The following VSX1 variants were observed in gnomAD, a reference collection of about 807,000 sequenced individuals.
The protein encoded by VSX1 is visual system homeobox 1.
VSX1 carries 23 observed loss-of-function variants against 23.6 expected under a neutral mutation model. The observed-to-expected ratio is 0.97, with a 90% CI of 0.70 to 1.38. The LOEUF (loss-of-function observed/expected upper bound fraction) is 1.38, where lower values mean the gene tolerates loss of function less well. VSX1 is among the 40% of genes most tolerant of loss of function. The pLI, the probability that VSX1 is intolerant of heterozygous loss-of-function variation, is 0.00. For missense variants in VSX1, 517 were observed against 495.4 expected, an observed-to-expected ratio of 1.04 and a Z score of -0.41; for synonymous variants, 247 against 215.1, an observed-to-expected ratio of 1.15 and a Z score of -1.30.
intron 1 of VSX1, among the ~76,000 whole-genome samples, chr20:25,080,813 T>A (rs1265794484): frequency 6.6e-6 from 1 of 152,262 alleles, no homozygotes; most frequent in Non-Finnish European, 1.5e-5. Flanking sequence ...CCTGCCTGCC[T>A]ATTGATCTGA....
chr20:25,081,863 T>C lies in VSX1; in HGVS notation c.234A>G (p.Leu78=), dbSNP rs1305887489. 90 of 1,523,176 alleles carry C rather than the reference T, an allele frequency of 5.9e-5. No homozygotes were observed. The highest frequency in any genetic ancestry group is 7.6e-5 in the Non-Finnish European group (87 of 1,142,724). The allele number at this position is 1,523,176 out of a possible 1,614,324, so 94.4% of individuals were successfully genotyped here. ...LDGSSLARGA[L]PLGLGLLCGF... ...CACAGAGGAGGCCGAGTCCCAGCGG[T>C]AGGGCCCCACGCGCCAGGCTGGAGC... The change falls in exon 1 of 5, where the codon CTA becomes CTG. Residue 78 remains leucine, a synonymous_variant. Transcript: ENST00000376709.
rs1002495973 is a variant in VSX1, at chr20:25,081,906, G to A, written c.191C>T (p.Pro64Leu). ...GCEGPAVAPCPGPGLDGSSLA... is the reference protein window; with the variant it reads ...GCEGPAVAPCLGPGLDGSSLA... ...GCTGGAGCCGTCAAGCCCCGGGCCC[G>A]GGCACGGCGCGACTGCCGGACCCTC... Residue 64 changes from proline to leucine, a missense_variant, in exon 1 of 5, where the codon CCG becomes CTG. Physicochemically the swap from Pro to Leu is moderately conservative, Grantham distance 98. Transcript: ENST00000376709. 1.8e-5 allele frequency: 27 copies of A among 1,528,626 alleles called. No individual in the cohort carries two copies. The African/African-American group carries it at 3.0e-4, about 17-fold the overall frequency. The allele number at this position is 1,528,626 out of a possible 1,614,324, so 94.7% of individuals were successfully genotyped here.
intron 3 of VSX1, 41 bp downstream of exon 3, chr20:25,078,788 T>C (rs368840437): frequency 3.7e-6 from 6 of 1,614,068 alleles, no homozygotes; most frequent in East Asian, 2.2e-5. Flanking sequence ...TGACACGTTC[T>C]CTGTGGTATC....
At chr20:25,073,532 C>A (rs1326147668), downstream of VSX1, among the ~76,000 whole-genome samples, 5 of 152,098 alleles carry the variant, frequency 3.3e-5, no homozygotes, top group Admixed American at 1.3e-4. Flanking sequence ...GCAAAAAGAG[C>A]GGGGGCTGGC....
At chr20:25,074,398 A>C (rs1259053347), downstream of VSX1, among the ~76,000 whole-genome samples, 1 of 152,208 alleles carries the variant, frequency 6.6e-6, no homozygotes, top group African/African-American at 2.4e-5. Flanking sequence ...AGAGTTCCTT[A>C]TGTTAAGAAA....
chr20:25,078,914 T>C lies in VSX1; in HGVS notation c.542A>G (p.Lys181Arg). Reference sequence around the variant, plus strand: ...AGGGTAGTGGGCCTCGCTGAATGCCTTCTCCAACTCTTCCAGCTGGTGAGC... The same window carrying C: ...AGGGTAGTGGGCCTCGCTGAATGCCCTCTCCAACTCTTCCAGCTGGTGAGC... ...FTAHQLEELEKAFSEAHYPDV... is the reference protein window; with the variant it reads ...FTAHQLEELERAFSEAHYPDV... Residue 181 changes from lysine to arginine, a missense_variant, in exon 3 of 5, where the codon AAG becomes AGG. Lys to Arg is a conservative substitution (Grantham distance 26). Coordinates refer to ENST00000376709, the MANE Select transcript of VSX1 (RefSeq NM_014588.6). 4 of 1,614,186 alleles carry C rather than the reference T, an allele frequency of 2.5e-6. No individual in the cohort carries two copies. The highest frequency in any genetic ancestry group is 3.4e-6 in the Non-Finnish European group (4 of 1,180,036).
At position 25,076,178 on chromosome 20, in the gene VSX1, TG is replaced by T. The variant is rs1370855305; in HGVS notation, c.*82del. 1.3e-6 allele frequency: 2 copies of T among 1,587,146 alleles called. No individual in the cohort carries two copies. Among genetic ancestry groups the T allele is most frequent in the Non-Finnish European group, 1.7e-6 (2 of 1,158,388 alleles). Reference sequence around the variant, plus strand: ...AGAAGAAAATCAAACTGAGAGTATATGTCTTGGACAATTTTTGTCTTTTGGA... The same window carrying T: ...AGAAGAAAATCAAACTGAGAGTATATTCTTGGACAATTTTTGTCTTTTGGA... On this transcript the variant is annotated 3_prime_UTR_variant, in exon 5 of 5. Coordinates refer to ENST00000376709, the MANE Select transcript of VSX1 (RefSeq NM_014588.6).
chr20:25,071,085 C>A (rs971578134), downstream of VSX1: 1 of 454,046 alleles, frequency 2.2e-6, no homozygotes, highest in Admixed American at 2.3e-5. Context: ...GGGTTGAGAT[C>A]AGGGGTCAAA....
chr20:25,081,911 C>G lies in VSX1; in HGVS notation c.186G>C (p.Pro62=), dbSNP rs764775776. ...AGCCGTCAAGCCCCGGGCCCGGGCA[C>G]GGCGCGACTGCCGGACCCTCGCAGC... ...GSGCEGPAVA[P]CPGPGLDGSS... Residue 62 remains proline, a synonymous_variant, in exon 1 of 5, where the codon CCG becomes CCC. Coordinates refer to ENST00000376709, the MANE Select transcript of VSX1 (RefSeq NM_014588.6). 1 of 1,529,056 alleles carries G rather than the reference C, an allele frequency of 6.5e-7. No homozygotes were observed. Among genetic ancestry groups the G allele is most frequent in the East Asian group, 2.5e-5 (1 of 40,662 alleles). The allele number at this position is 1,529,056 out of a possible 1,614,324, so 94.7% of individuals were successfully genotyped here. A position where few individuals can be genotyped will look rare whatever the true frequency, so the allele number is the denominator to read the frequency against.
In VSX1 at chr20:25,081,782, G is replaced by A; in HGVS notation, c.315C>T (p.Asp105=). 1 of 1,501,890 alleles carries A rather than the reference G, an allele frequency of 6.7e-7. No homozygotes were observed. The highest frequency in any genetic ancestry group is 2.4e-4 in the Middle Eastern group (1 of 4,240). The allele number at this position is 1,501,890 out of a possible 1,614,324, so 93.0% of individuals were successfully genotyped here. The change falls in exon 1 of 5, where the codon GAC becomes GAT. Residue 105 remains aspartate, a synonymous_variant. Coordinates refer to ENST00000376709, the MANE Select transcript of VSX1 (RefSeq NM_014588.6). ...AARAPCLLLA[D]VPFLPPRGPE... is the part of the protein sequence containing the mutation. ...GGCCCCTGGGCGGCAGGAACGGCACGTCCGCTAGGAGCAGGCAGGGTGCTC... is the reference window on the plus strand; with the variant it reads ...GGCCCCTGGGCGGCAGGAACGGCACATCCGCTAGGAGCAGGCAGGGTGCTC...
intron 4 of VSX1, 139 bp downstream of exon 4, chr20:25,077,546 A>G (rs2089526558): frequency 4.9e-6 from 5 of 1,018,988 alleles, no homozygotes; most frequent in Non-Finnish European, 7.1e-6. Flanking sequence ...ATTAAAAATA[A>G]TAAGAACGGT....
At position 25,076,382 on chromosome 20, in the gene VSX1, A is replaced by G; in HGVS notation, c.977T>C (p.Ile326Thr). 6.2e-7 allele frequency: 1 copy of G among 1,614,114 alleles called. No homozygotes were observed. The highest frequency in any genetic ancestry group is 1.7e-5 in the Admixed American group (1 of 60,014). The change falls in exon 5 of 5, where the codon ATT becomes ACT. Residue 326 changes from isoleucine to threonine, a missense_variant. Ile to Thr is a moderately conservative substitution (Grantham distance 89, BLOSUM62 -1). Coordinates refer to ENST00000376709, the MANE Select transcript of VSX1 (RefSeq NM_014588.6). ...CTGCCGGGCAGAGCTGGAGAGGTCA[A>G]TAGCCACATCTTCCAAGCCATTCTC... ...SPENGLEDVA[I>T]DLSSSARQET... is the part of the protein sequence containing the mutation.
chr20:25,076,178 T>A lies in VSX1; in HGVS notation c.*83A>T. 4 of 1,587,146 alleles carry A rather than the reference T, an allele frequency of 2.5e-6. No homozygotes were observed. Among genetic ancestry groups the A allele is most frequent in the Non-Finnish European group, 1.7e-6 (2 of 1,158,388 alleles). ...AGAAGAAAATCAAACTGAGAGTATA[T>A]GTCTTGGACAATTTTTGTCTTTTGG... On this transcript the variant is annotated 3_prime_UTR_variant, in exon 5 of 5. Transcript: ENST00000376709.
In VSX1 at chr20:25,077,877, C is replaced by T. The variant is rs1156336796; in HGVS notation, c.628-12G>A. 6.4e-7 allele frequency: 1 copy of T among 1,551,210 alleles called. No homozygotes were observed. The highest frequency in any genetic ancestry group is 2.0e-5 in the Admixed American group (1 of 51,026). On this transcript the variant is annotated splice_polypyrimidine_tract_variant and intron_variant, in intron 3 of 4. Coordinates refer to ENST00000376709, the MANE Select transcript of VSX1 (RefSeq NM_014588.6). ...TTTTGAAACCAGACCTGGTTGGAGG[C>T]AGGAGAAGCAGAAGGCACACAGAAG...
intron 2 of VSX1, 98 bp downstream of exon 2, chr20:25,079,338 G>T: frequency 7.9e-7 from 1 of 1,272,960 alleles, no homozygotes; most frequent in Non-Finnish European, 1.1e-6. Context: ...CACTGGGCCT[G>T]CTATCATGCC....
At chr20:25,072,701 T>C, downstream of VSX1, 1 of 470,838 alleles carries the variant, frequency 2.1e-6, no homozygotes, top group Non-Finnish European at 4.4e-6. Flanking sequence ...AGAAAACAAT[T>C]GTGTTTTCAT....
At chr20:25,077,923 T>TG in intron 3 of VSX1, 58 bp from the exon 4 acceptor site, 1 of 1,539,352 alleles carries the variant, frequency 6.5e-7, no homozygotes, top group South Asian at 1.2e-5. Flanking sequence ...GAGGGGCGCC[T>TG]GGAGGAGCGG....
chr20:25,080,052 T>G (rs1201107314), intron 1 of VSX1, among the ~76,000 whole-genome samples: 1 of 152,140 alleles, frequency 6.6e-6, no homozygotes, highest in Non-Finnish European at 1.5e-5. Context: ...TCAGAATCTC[T>G]GGAGGTGGGA....
chr20:25,071,283 G>A, downstream of VSX1: 1 of 454,072 alleles, frequency 2.2e-6, no homozygotes. Flanking sequence ...GATGGAAGGA[G>A]AGGAGAAGGG....
Sources: gnomAD v4.1 joint callset for allele counts (sites outside exome capture counted in the v4.1 genomes callset) on GRCh38, gnomAD v4.1.1 for gene constraint, MANE v1.5 for transcripts, NCBI Gene and HGNC (gene_info 2026-07-23, HGNC 2026-07-21) for gene names.